Variants in CTNNA2 observed in about 807,000 individuals in gnomAD.
The protein encoded by CTNNA2 is catenin alpha-2.
A neutral mutation model predicts 101.0 loss-of-function variants in CTNNA2; 42 were observed. The observed-to-expected ratio is 0.42, with a 90% CI of 0.32 to 0.54. The LOEUF (loss-of-function observed/expected upper bound fraction) is 0.54. CTNNA2 is among the 20% of genes least tolerant of loss of function. The pLI, the probability that CTNNA2 is intolerant of heterozygous loss-of-function variation, is 0.14. For synonymous variants in CTNNA2, 450 were observed against 456.4 expected, an observed-to-expected ratio of 0.99 and a Z score of 0.18; for missense variants, 871 against 1,223.1, an observed-to-expected ratio of 0.71 and a Z score of 4.29.
intron 3 of CTNNA2, among the ~76,000 whole-genome samples, chr2:79,847,370 C>A (rs915494108): frequency 1.3e-5 from 2 of 151,588 alleles, no homozygotes; most frequent in African/African-American, 2.4e-5. Context: ...TGGTGAAACC[C>A]TGTCTCTACT....
chr2:80,554,656 A>C (rs1168472091), intron 11 of CTNNA2, among the ~76,000 whole-genome samples: 4 of 152,114 alleles, frequency 2.6e-5, no homozygotes, highest in Non-Finnish European at 5.9e-5. Flanking sequence ...CTCATAACAC[A>C]ATCACCTCCT....
chr2:80,404,955 A>G (rs577833919), intron 8 of CTNNA2, among the ~76,000 whole-genome samples: 1 of 152,358 alleles, frequency 6.6e-6, no homozygotes, highest in African/African-American at 2.4e-5. Flanking sequence ...CTCTACTTAG[A>G]GTTCCAGAGA....
chr2:79,225,156 AG>A (rs906477042), intron 2 of CTNNA2, among the ~76,000 whole-genome samples: 28 of 152,146 alleles, frequency 1.8e-4, no homozygotes, highest in African/African-American at 6.8e-4. Flanking sequence ...TGGAACTGCT[AG>A]GTCACAAAAT....
chr2:79,900,672 A>G lies in CTNNA2; in HGVS notation c.853-8922A>G, dbSNP rs137865053. On this transcript the variant is annotated intron_variant, in intron 6 of 18. Coordinates refer to ENST00000402739, the MANE Select transcript of CTNNA2 (RefSeq NM_001282597.3). ...GGAAGAAGGAAGGAAGCTCTGTGGT[A>G]TCCGTGAAATATAAAACTTACCCAG... 4.2e-3 allele frequency among the ~76,000 whole-genome samples: 637 copies of G among 152,326 alleles called. 8 individuals carry two copies. Among genetic ancestry groups the G allele is most frequent in the African/African-American group, 0.014 (564 of 41,576 alleles).
intron 3 of CTNNA2, among the ~76,000 whole-genome samples, chr2:79,760,395 G>T (rs1030439059): frequency 2.6e-5 from 4 of 151,978 alleles, no homozygotes; most frequent in African/African-American, 9.7e-5. Flanking sequence ...TAAGGAATTG[G>T]TTCATGCAGT....
chr2:79,186,848 C>T (rs1006902985), intron 1 of CTNNA2, among the ~76,000 whole-genome samples: 3 of 152,134 alleles, frequency 2.0e-5, no homozygotes, highest in Non-Finnish European at 2.9e-5. Flanking sequence ...GTTTTCATTG[C>T]GCATGAAAGC....
intron 7 of CTNNA2, among the ~76,000 whole-genome samples, chr2:79,960,129 T>A (rs1194404761): frequency 6.6e-6 from 1 of 152,186 alleles, no homozygotes; most frequent in African/African-American, 2.4e-5. Flanking sequence ...TAGCTACTTT[T>A]AAAATCCACT....
At chr2:80,032,381 G>A (rs956876070) in intron 7 of CTNNA2, among the ~76,000 whole-genome samples, 2 of 152,182 alleles carry the variant, frequency 1.3e-5, no homozygotes, top group Non-Finnish European at 2.9e-5. Flanking sequence ...TGTTGATGAG[G>A]TGGGATTTAT....
chr2:79,861,279 T>C (rs755226641), intron 4 of CTNNA2, among the ~76,000 whole-genome samples: 17 of 152,224 alleles, frequency 1.1e-4, no homozygotes, highest in Admixed American at 1.3e-4. Context: ...TCAGGCCATA[T>C]GTCAAAATTT....
At chr2:79,928,195 G>A (rs890671067) in intron 7 of CTNNA2, among the ~76,000 whole-genome samples, 1 of 152,080 alleles carries the variant, frequency 6.6e-6, no homozygotes, top group Non-Finnish European at 1.5e-5. Flanking sequence ...CAAGGATCTT[G>A]TCTAAGTGTG....
chr2:79,921,110 T>C (rs1467915841), intron 7 of CTNNA2, among the ~76,000 whole-genome samples: 1 of 152,156 alleles, frequency 6.6e-6, no homozygotes, highest in Non-Finnish European at 1.5e-5. Context: ...TTTTTGAAAG[T>C]AGGTACTGTG....
At chr2:80,165,618 A>G (rs910581190) in intron 7 of CTNNA2, among the ~76,000 whole-genome samples, 1 of 152,068 alleles carries the variant, frequency 6.6e-6, no homozygotes, top group South Asian at 2.1e-4. Flanking sequence ...GCTGGAAAGG[A>G]TTGGGAGTTC....
chr2:79,384,584 G>A (rs1678077055), intron 4 of CTNNA2, among the ~76,000 whole-genome samples: 2 of 152,138 alleles, frequency 1.3e-5, no homozygotes, highest in Admixed American at 6.5e-5. Flanking sequence ...GATGCATTAG[G>A]AGGTACTTAG....
At chr2:79,671,190 C>T (rs1300533498) in intron 2 of CTNNA2, among the ~76,000 whole-genome samples, 1 of 152,172 alleles carries the variant, frequency 6.6e-6, no homozygotes, top group Non-Finnish European at 1.5e-5. Flanking sequence ...CCTCTTCTTA[C>T]ACTATATCTA....
At chr2:80,544,915 A>C (rs1558570673) in intron 9 of CTNNA2, 67 bp from the exon 10 acceptor site, 8 of 1,356,856 alleles carry the variant, frequency 5.9e-6, no homozygotes, top group African/African-American at 1.4e-5. Context: ...AGAAGGTCCA[A>C]GGCGGAGCAA....
intron 9 of CTNNA2, among the ~76,000 whole-genome samples, chr2:80,479,785 G>A (rs1039660957): frequency 6.6e-6 from 1 of 152,112 alleles, no homozygotes; most frequent in Non-Finnish European, 1.5e-5. Context: ...CTGATTTATT[G>A]AAAACATTTT....
chr2:79,322,073 A>T (rs1169492500), intron 3 of CTNNA2, among the ~76,000 whole-genome samples: 1 of 152,182 alleles, frequency 6.6e-6, no homozygotes, highest in Non-Finnish European at 1.5e-5. Flanking sequence ...CACAGAAACT[A>T]ATTAGGGAAC....
At position 80,555,826 on chromosome 2, in the gene CTNNA2, G is replaced by A; in HGVS notation, c.1674G>A (p.Met558Ile). 1.3e-6 allele frequency: 2 copies of A among 1,595,608 alleles called. No individual in the cohort carries two copies. The highest frequency in any genetic ancestry group is 1.7e-6 in the Non-Finnish European group (2 of 1,171,524). Reference protein sequence around the residue: ...ARVIHIINAEMENYEAGVYTE... With the variant: ...ARVIHIINAEIENYEAGVYTE... ...TCATACACATCATCAATGCTGAGAT[G>A]GAGAACTATGAAGCTGGGGTTTATA... The change falls in exon 12 of 19, where the codon ATG (methionine) becomes ATA (isoleucine). Residue 558 changes from methionine to isoleucine, a missense_variant. Met to Ile is a conservative substitution (Grantham distance 10). This residue lies in a region of CTNNA2 where 647 missense variants were observed against 831.5 expected (regional missense o/e 0.78). Transcript: ENST00000402739.
intron 9 of CTNNA2, among the ~76,000 whole-genome samples, chr2:80,544,366 G>A (rs1245807206): frequency 6.6e-6 from 1 of 151,962 alleles, no homozygotes; most frequent in Admixed American, 6.6e-5. Context: ...CATCAAATTT[G>A]AATGTCTTTA....
Sources: gnomAD v4.1 joint callset for allele counts (sites outside exome capture counted in the v4.1 genomes callset) on GRCh38, gnomAD v4.1.1 for gene constraint, gnomAD v4.1.1 regional missense constraint, MANE v1.5 for transcripts, NCBI Gene and HGNC (gene_info 2026-07-23, HGNC 2026-07-21) for gene names.